Variants in DCTN4 observed in about 807,000 individuals in gnomAD.
DCTN4 encodes dynactin 4 (p62).
DCTN4 carries 23 observed loss-of-function variants against 62.7 expected under a neutral mutation model. That is an observed-to-expected ratio of 0.37 (90% CI 0.26 to 0.52). The LOEUF is 0.52. DCTN4 is among the 20% of genes least tolerant of loss of function. DCTN4 has a pLI of 0.92. For missense variants in DCTN4, 514 were observed against 580.4 expected (o/e 0.89, Z 1.18); for synonymous variants, 199 against 202.1 (o/e 0.98, Z 0.13).
chr5:150,737,568 C>A (rs544996727), intron 4 of DCTN4, among the ~76,000 whole-genome samples: 1 of 151,106 alleles, frequency 6.6e-6, no homozygotes, highest in Non-Finnish European at 1.5e-5. Context: ...CTCTGATCTG[C>A]ATGATAATAG....
chr5:150,731,551 G>A, intron 5 of DCTN4, 62 bp from the exon 6 acceptor site: 14 of 1,380,438 alleles, frequency 1.0e-5, no homozygotes, highest in Non-Finnish European at 1.3e-5. Flanking sequence ...TTTATCAAAA[G>A]AAAGAATTTT....
At chr5:150,715,786 A>G (rs957956413) in intron 11 of DCTN4, 124 bp from the exon 12 acceptor site, 2 of 708,522 alleles carry the variant, frequency 2.8e-6, no homozygotes, top group African/African-American at 3.6e-5. Flanking sequence ...TACTACTTCT[A>G]TGGAGTTTAT....
chr5:150,711,415 C>A, intron 12 of DCTN4, 53 bp from the exon 13 acceptor site: 1 of 1,401,128 alleles, frequency 7.1e-7, no homozygotes. Flanking sequence ...TCAGCCAAAC[C>A]ACTAAGACTT....
chr5:150,750,313 A>G (rs1752627968), intron 3 of DCTN4, among the ~76,000 whole-genome samples: 2 of 152,250 alleles, frequency 1.3e-5, no homozygotes, highest in Non-Finnish European at 2.9e-5. Context: ...GAAAAATTTT[A>G]GAGTCCAAAA....
chr5:150,738,769 G>C (rs1760668691), intron 4 of DCTN4, among the ~76,000 whole-genome samples: 1 of 152,170 alleles, frequency 6.6e-6, no homozygotes, highest in South Asian at 2.1e-4. Context: ...AGAGCAATCA[G>C]ACAAGGAAAG....
rs765807312 is a variant in DCTN4, at chr5:150,711,119, C to G, written c.*30G>C. 6.3e-7 allele frequency: 1 copy of G among 1,599,864 alleles called. No individual in the cohort carries two copies. The highest frequency in any genetic ancestry group is 8.6e-7 in the Non-Finnish European group (1 of 1,169,042). On this transcript the variant is annotated 3_prime_UTR_variant, in exon 13 of 13. Coordinates refer to ENST00000447998, the MANE Select transcript of DCTN4 (RefSeq NM_016221.4). ...TAACGCAGGTTTACGGTGATACTGTCCTTTGGGATCTGCCCTCCAGTGGAA... is the reference window on the plus strand; with the variant it reads ...TAACGCAGGTTTACGGTGATACTGTGCTTTGGGATCTGCCCTCCAGTGGAA...
At chr5:150,729,121 C>G (rs1390570357) in intron 8 of DCTN4, among the ~76,000 whole-genome samples, 2 of 138,198 alleles carry the variant, frequency 1.4e-5, no homozygotes, top group Non-Finnish European at 3.0e-5. Context: ...TCTCAAACTC[C>G]TGGGCTCAAG....
At chr5:150,749,002 C>T (rs982195670) in intron 3 of DCTN4, among the ~76,000 whole-genome samples, 4 of 151,934 alleles carry the variant, frequency 2.6e-5, no homozygotes, top group African/African-American at 9.7e-5. Context: ...AACTACAGCA[C>T]TTCTAGAAGA....
intron 9 of DCTN4, 141 bp from the exon 10 acceptor site, chr5:150,719,911 C>G: frequency 1.7e-6 from 1 of 593,264 alleles, no homozygotes. Context: ...TGAACCATAT[C>G]ATCACAGTAA....
intron 8 of DCTN4, among the ~76,000 whole-genome samples, chr5:150,727,775 C>CAAAA (rs11292193): frequency 6.1e-5 from 5 of 82,370 alleles, no homozygotes; most frequent in Non-Finnish European, 1.1e-4. Context: ...GACTCCGTCT[C>CAAAA]AAAAAAAAAA....
intron 3 of DCTN4, 98 bp from the exon 4 acceptor site, chr5:150,742,255 A>C: frequency 8.3e-7 from 1 of 1,201,746 alleles, no homozygotes. Context: ...AACTTAAAAC[A>C]TAAGTTATAT....
At chr5:150,722,879 C>A (rs1453207475) in intron 9 of DCTN4, 28 bp downstream of exon 9, 2 of 1,585,664 alleles carry the variant, frequency 1.3e-6, no homozygotes, top group East Asian at 2.3e-5. Context: ...AAAACAGTAA[C>A]TGAAAACACC....
rs998449199 is a variant in DCTN4, at chr5:150,748,639, G to A, written c.385+4840C>T. 4.6e-3 allele frequency among the ~76,000 whole-genome samples: 695 copies of A among 151,438 alleles called. 1 individual carries two copies. Among genetic ancestry groups the A allele is most frequent in the African/African-American group, 0.016 (659 of 41,024 alleles). ...ATGATGAGTTCATGTCCTTTGTAGG[G>A]ACATGGATGATATTGGAAATCATCA... is the stretch of plus-strand genomic sequence containing the variant. On this transcript the variant is annotated intron_variant, in intron 3 of 12. Coordinates refer to ENST00000447998, the MANE Select transcript of DCTN4 (RefSeq NM_016221.4).
At chr5:150,737,013 G>A (rs1760606603) in intron 4 of DCTN4, among the ~76,000 whole-genome samples, 1 of 152,048 alleles carries the variant, frequency 6.6e-6, no homozygotes, top group East Asian at 1.9e-4. Flanking sequence ...AGTTAAAAAA[G>A]ACAAAGTGGG....
At chr5:150,731,367 AT>A in intron 6 of DCTN4, 48 bp downstream of exon 6, 1 of 1,461,884 alleles carries the variant, frequency 6.8e-7, no homozygotes, top group Non-Finnish European at 9.5e-7. Flanking sequence ...TTTGATATTC[AT>A]TTTGATACCT....
At chr5:150,717,431 T>G (rs142512934) in intron 11 of DCTN4, among the ~76,000 whole-genome samples, 2,029 of 152,230 alleles carry the variant, frequency 0.013, 34 homozygotes, top group African/African-American at 0.044. Context: ...TGTATTTTAG[T>G]AGAGACGGGT....
At chr5:150,730,577 T>G (rs1019761251) in intron 8 of DCTN4, 54 bp downstream of exon 8, 5 of 1,501,252 alleles carry the variant, frequency 3.3e-6, no homozygotes, top group South Asian at 2.3e-5. Flanking sequence ...CCAGCCACAT[T>G]TATTTTTGCT....
At chr5:150,732,768 C>T (rs1213321831) in intron 5 of DCTN4, among the ~76,000 whole-genome samples, 2 of 152,252 alleles carry the variant, frequency 1.3e-5, no homozygotes, top group East Asian at 1.9e-4. Context: ...GGTAAAATAA[C>T]AAAAATTCCA....
intron 2 of DCTN4, among the ~76,000 whole-genome samples, chr5:150,754,406 A>G (rs1298539493): frequency 6.6e-6 from 1 of 152,256 alleles, no homozygotes; most frequent in African/African-American, 2.4e-5. Context: ...ATTAAATGAT[A>G]AAAATTAATT....
Sources: gnomAD v4.1 joint callset for allele counts (sites outside exome capture counted in the v4.1 genomes callset) on GRCh38, gnomAD v4.1.1 for gene constraint, MANE v1.5 for transcripts, NCBI Gene and HGNC (gene_info 2026-07-23, HGNC 2026-07-21) for gene names.